Variants in CSF2RA observed in about 807,000 individuals in gnomAD.
The protein encoded by CSF2RA is colony stimulating factor 2 receptor subunit alpha, also known as granulocyte-macrophage colony-stimulating factor receptor subunit alpha.
In CSF2RA, 42 loss-of-function variants were observed where a neutral mutation model predicts 51.6. That is an observed-to-expected ratio of 0.81 (90% confidence interval 0.64 to 1.05). The LOEUF is 1.05. Ranked by LOEUF, CSF2RA falls within the 50% of genes least tolerant of loss-of-function variation. CSF2RA has a pLI of 0.00. For synonymous variants in CSF2RA, 222 were observed against 193.0 expected (o/e 1.15, Z -1.24); for missense variants, 530 against 501.1 (o/e 1.06, Z -0.55).
intron 12 of CSF2RA, 148 bp from the exon 13 acceptor site, chrX:1,309,254 G>A (rs1256312758): frequency 1.9e-5 from 15 of 793,786 alleles, no homozygotes; most frequent in Non-Finnish European, 3.0e-5. Context: ...GGCCGAGGTT[G>A]CAGTGAGCTG....
the CSF2RA span, among the ~76,000 whole-genome samples, chrX:1,321,477 A>G: frequency 6.6e-6 from 1 of 151,680 alleles, no homozygotes; most frequent in Admixed American, 6.6e-5. Context: ...TCAAAAATAA[A>G]TAAATAAATA....
rs747083263 is a variant in CSF2RA at position 1,282,693 on chromosome X, T to C, written c.-11T>C. On this transcript the variant is annotated 5_prime_UTR_variant, in exon 3 of 13. Transcript: ENST00000381529. ...TCTCCTGCAGCTCTTCCCTTCTCTCTGACCAGCACCATGCTTCTCCTGGTG... is the reference window on the plus strand; with the variant it reads ...TCTCCTGCAGCTCTTCCCTTCTCTCCGACCAGCACCATGCTTCTCCTGGTG... 59 of 1,611,808 alleles carry C rather than the reference T, an allele frequency of 3.7e-5. 1 individual carries two copies. Among genetic ancestry groups the C allele is most frequent in the South Asian group, 3.3e-4 (30 of 91,040 alleles).
At chrX:1,289,673 T>A (rs1349792679) in intron 6 of CSF2RA, among the ~76,000 whole-genome samples, 1 of 150,446 alleles carries the variant, frequency 6.6e-6, no homozygotes, top group Non-Finnish European at 1.5e-5. Context: ...TGGTTTTTGT[T>A]TTGTGTTGTG....
intron 7 of CSF2RA, among the ~76,000 whole-genome samples, chrX:1,293,209 TTTTG>T (rs1269713190): frequency 1.8e-5 from 2 of 113,560 alleles, no homozygotes; most frequent in Non-Finnish European, 3.7e-5. Flanking sequence ...TGATCTTTCT[TTTTG>T]TTTGTTTGTT....
intron 12 of CSF2RA, chrX:1,305,862 T>A (rs1159398035): frequency 7.1e-7 from 1 of 1,411,204 alleles, no homozygotes; most frequent in African/African-American, 1.4e-5. Flanking sequence ...ATGTGGATCA[T>A]CTGAGGTCAG....
At chrX:1,322,659 A>G in the CSF2RA span, among the ~76,000 whole-genome samples, 2 of 151,448 alleles carry the variant, frequency 1.3e-5, no homozygotes, top group Admixed American at 1.3e-4. Context: ...TGGCTCAGCT[A>G]CTCAACAATC....
intron 2 of CSF2RA, among the ~76,000 whole-genome samples, chrX:1,277,394 G>A (rs1181114285): frequency 6.6e-5 from 10 of 150,600 alleles, no homozygotes; most frequent in African/African-American, 2.4e-4. Context: ...TCAGGAGTTC[G>A]AGACCAGCCT....
At chrX:1,283,610 C>T (rs1218481524) in intron 3 of CSF2RA, among the ~76,000 whole-genome samples, 1 of 150,680 alleles carries the variant, frequency 6.6e-6, no homozygotes, top group Admixed American at 6.7e-5. Flanking sequence ...TCTTGTTGCC[C>T]AGGCTGGAGT....
the CSF2RA span, among the ~76,000 whole-genome samples, chrX:1,318,308 C>CAT: frequency 6.6e-6 from 1 of 151,884 alleles, no homozygotes; most frequent in African/African-American, 2.4e-5. Context: ...GGATTACAGG[C>CAT]ATACGCCACC....
rs2090195772 is a variant in CSF2RA at position 1,282,785 on chromosome X, T to C, written c.76+6T>C. ...CCTGATCCCAGAGAAATCGGGTAAG[T>C]ATGGAAACCTGGCTGAACCTTCTCC... On this transcript the variant is annotated splice_donor_region_variant and intron_variant, in intron 3 of 12. Transcript: ENST00000381529. The C allele has an allele frequency of 1.3e-5, 21 of 1,612,560 alleles. No homozygotes were observed. Among genetic ancestry groups the C allele is most frequent in the Non-Finnish European group, 1.8e-5 (21 of 1,178,688 alleles).
downstream of CSF2RA, among the ~76,000 whole-genome samples, chrX:1,314,307 GCCTGCCCAACCACACTGCA>G (rs1267713700): frequency 9.9e-5 from 3 of 30,330 alleles, 1 homozygote; most frequent in African/African-American, 5.1e-4. Context: ...ACCACTCTGT[GCCTGCCCAACCACACTGCA>G]CCTGCCCAAC....
intron 4 of CSF2RA, among the ~76,000 whole-genome samples, chrX:1,286,447 T>C (rs2090671154): frequency 7.0e-6 from 1 of 143,542 alleles, no homozygotes; most frequent in South Asian, 2.3e-4. Flanking sequence ...CAGGCATCTG[T>C]AATCCCAGCT....
chrX:1,281,052 C>CTTCTCCTCCT (rs1160188879), intron 2 of CSF2RA, among the ~76,000 whole-genome samples: 2 of 9,978 alleles, frequency 2.0e-4, no homozygotes, highest in Non-Finnish European at 4.2e-4. Context: ...CCTCCTGCTC[C>CTTCTCCTCCT]CCTTCTCCTC....
At position 1,285,929 on chromosome X, in the gene CSF2RA, A is replaced by C. The variant is rs2090593506; in HGVS notation, c.219+9A>C. 5.0e-6 allele frequency: 8 copies of C among 1,613,818 alleles called. No homozygotes were observed. In the South Asian group the frequency reaches 8.8e-5, roughly 18 times the overall value. On this transcript the variant is annotated intron_variant, in intron 4 of 12. Transcript: ENST00000381529. ...GAGTCGTGGAACCCAGGGTGAGACG[A>C]ATTTCCCATTCTCAACCCCTGTCCT...
intron 12 of CSF2RA, among the ~76,000 whole-genome samples, chrX:1,306,341 A>G (rs1435930996): frequency 2.0e-5 from 3 of 151,846 alleles, no homozygotes; most frequent in African/African-American, 4.8e-5. Flanking sequence ...ACAGATAAAC[A>G]ACAAACATAA....
downstream of CSF2RA, among the ~76,000 whole-genome samples, chrX:1,314,442 TTGCCCAATTGCACTGCACC>T (rs1280000897): frequency 3.0e-3 from 85 of 28,136 alleles, 4 homozygotes; most frequent in African/African-American, 0.011. Context: ...CGCACTGCAC[TTGCCCAATTGCACTGCACC>T]TGCCCAACCC....
chrX:1,311,503 T>G (rs1371160076), downstream of CSF2RA, among the ~76,000 whole-genome samples: 1 of 151,300 alleles, frequency 6.6e-6, no homozygotes, highest in Non-Finnish European at 1.5e-5. Context: ...GCACAATCTC[T>G]GCTCACTGCA....
At chrX:1,286,382 A>C (rs1434587376) in intron 4 of CSF2RA, among the ~76,000 whole-genome samples, 2 of 152,238 alleles carry the variant, frequency 1.3e-5, no homozygotes, top group East Asian at 3.9e-4. Flanking sequence ...CAGGCTGACC[A>C]ACATGGTGAA....
At chrX:1,283,609 C>G (rs1263582302) in intron 3 of CSF2RA, among the ~76,000 whole-genome samples, 2 of 150,502 alleles carry the variant, frequency 1.3e-5, no homozygotes, top group African/African-American at 4.9e-5. Context: ...CTCTTGTTGC[C>G]CAGGCTGGAG....
Sources: allele counts gnomAD v4.1 joint callset (sites outside exome capture counted in the v4.1 genomes callset), GRCh38; gene constraint gnomAD v4.1.1; transcripts MANE v1.5; gene names NCBI Gene and HGNC (gene_info 2026-07-23, HGNC 2026-07-21).